The following TMEM273 variants were observed in gnomAD, a reference collection of about 807,000 sequenced individuals.
The protein encoded by TMEM273 is chromosome 10 open reading frame 128.
A neutral mutation model predicts 17.9 loss-of-function variants in TMEM273; 19 were observed. The ratio of observed to expected loss-of-function variants is 1.06; its 90% CI spans 0.74 to 1.55. The LOEUF is 1.55. Among genes scored for constraint, TMEM273 ranks in the 40% most tolerant of loss-of-function variants. The probability of loss-of-function intolerance (pLI) is 0.00; values close to 1 mark genes in which losing one functional copy is unlikely to be tolerated. For missense variants in TMEM273, 194 were observed against 155.6 expected (o/e 1.25, Z -1.31); for synonymous variants, 66 against 62.0 (o/e 1.07, Z -0.31).
At chr10:49,186,367 T>C (rs1253482357) in intron 1 of TMEM273, among the ~76,000 whole-genome samples, 1 of 152,226 alleles carries the variant, frequency 6.6e-6, no homozygotes, top group Non-Finnish European at 1.5e-5. Context: ...CCCTGTGAAA[T>C]ATTTTGGGAG....
rs148031353 is a variant in TMEM273, at chr10:49,172,528, G to T, written c.44-4566C>A. On this transcript the variant is annotated intron_variant, in intron 1 of 6. Transcript: ENST00000374153. ...GACCCCCAGCCAACCCTACTCACTG[G>T]GGAAAGGGTTTGTTCCACCTTCGAG... Among the ~76,000 whole-genome samples the T allele has an allele frequency of 6.0e-4, 92 of 152,222 alleles. 1 individual carries two copies. The highest frequency in any genetic ancestry group is 1.9e-3 in the South Asian group (9 of 4,810).
At chr10:49,167,768 G>T (rs925005939) in intron 2 of TMEM273, 141 bp downstream of exon 2, 2 of 1,020,034 alleles carry the variant, frequency 2.0e-6, no homozygotes. Context: ...CTGCTCTGGG[G>T]GACCTGGAGG....
chr10:49,167,304 C>T (rs1357570135), intron 2 of TMEM273, among the ~76,000 whole-genome samples: 2 of 152,224 alleles, frequency 1.3e-5, no homozygotes. Context: ...GCCTCCTAGC[C>T]CTTCCTCACT....
intron 6 of TMEM273, 151 bp downstream of exon 6, chr10:49,161,448 G>C: frequency 1.1e-6 from 1 of 876,020 alleles, no homozygotes; most frequent in South Asian, 1.5e-5. Context: ...TGGTCTCACA[G>C]CTGTCCTGGC....
In TMEM273 at chr10:49,165,295, CA is replaced by C; in HGVS notation, c.270-13del. 6.4e-7 allele frequency: 1 copy of C among 1,550,558 alleles called. No homozygotes were observed. The highest frequency in any genetic ancestry group is 8.7e-7 in the Non-Finnish European group (1 of 1,146,992). On this transcript the variant is annotated splice_polypyrimidine_tract_variant and intron_variant, in intron 4 of 6. Transcript: ENST00000374153. ...AGGCTTGCAGCTTTCTGGCAAAGAG[CA>C]TTCCAATTACAGAAAACAGCAAGTG...
At chr10:49,176,141 CGG>C (rs1846949696) in intron 1 of TMEM273, among the ~76,000 whole-genome samples, 1 of 152,204 alleles carries the variant, frequency 6.6e-6, no homozygotes, top group African/African-American at 2.4e-5. Flanking sequence ...GACAAGTCCC[CGG>C]AAGGAGTGTG....
At chr10:49,184,752 T>C (rs1847563369) in intron 1 of TMEM273, among the ~76,000 whole-genome samples, 2 of 152,176 alleles carry the variant, frequency 1.3e-5, no homozygotes, top group South Asian at 4.1e-4. Flanking sequence ...GCCAGGGGTG[T>C]CTGCTAGAAA....
chr10:49,161,456 G>T, intron 6 of TMEM273, 143 bp downstream of exon 6: 2 of 979,194 alleles, frequency 2.0e-6, no homozygotes, highest in South Asian at 1.4e-5. Flanking sequence ...CAGCTGTCCT[G>T]GCATGAGGGC....
chr10:49,161,745 C>T, intron 5 of TMEM273, 123 bp from the exon 6 acceptor site: 1 of 1,186,560 alleles, frequency 8.4e-7, no homozygotes, highest in Non-Finnish European at 1.2e-6. Flanking sequence ...CTGACTTCCT[C>T]ATGACTCAGC....
intron 1 of TMEM273, among the ~76,000 whole-genome samples, chr10:49,170,033 C>T (rs1310348798): frequency 1.3e-5 from 2 of 152,234 alleles, no homozygotes; most frequent in Non-Finnish European, 2.9e-5. Context: ...CTTGGTCCCC[C>T]CTCCCATCCT....
chr10:49,168,100 G>A, intron 1 of TMEM273, 138 bp from the exon 2 acceptor site: 2 of 1,008,238 alleles, frequency 2.0e-6, no homozygotes, highest in Non-Finnish European at 1.5e-6. Context: ...GCCATGGAGT[G>A]TCTTGGAGCC....
chr10:49,187,447 A>G (rs1311089842), intron 1 of TMEM273, among the ~76,000 whole-genome samples: 1 of 152,178 alleles, frequency 6.6e-6, no homozygotes. Flanking sequence ...ACTGCTTCCC[A>G]TTGAGTCTCG....
chr10:49,155,623 G>A lies in TMEM273; in HGVS notation c.*269C>T. On this transcript the variant is annotated 3_prime_UTR_variant, in exon 7 of 7. Transcript: ENST00000374153. ...ATGAACAGCTCCAACACAGGGTGAA[G>A]CTTTTGGTGTCCACCTTCTTCCACT... 1.8e-6 allele frequency: 1 copy of A among 562,276 alleles called. No individual in the cohort carries two copies. The highest frequency in any genetic ancestry group is 3.2e-6 in the Non-Finnish European group (1 of 315,352). The allele number at this position is 562,276 out of a possible 1,614,324, so 34.8% of individuals were successfully genotyped here.
In TMEM273 at chr10:49,172,951, T is replaced by C. The variant is rs180739578; in HGVS notation, c.44-4989A>G. Among the ~76,000 whole-genome samples, 4 of 152,346 alleles carry C rather than the reference T, an allele frequency of 2.6e-5. No individual in the cohort carries two copies. In the East Asian group the frequency reaches 7.7e-4, roughly 29 times the overall value. On this transcript the variant is annotated intron_variant, in intron 1 of 6. Coordinates refer to ENST00000374153, the MANE Select transcript of TMEM273 (RefSeq NM_001288740.3). Reference sequence around the variant, plus strand: ...CCTGACCAATTAGCACATTTATTCTTCCTGTCAACTGTGATTGGTCAACAG... The same window carrying C: ...CCTGACCAATTAGCACATTTATTCTCCCTGTCAACTGTGATTGGTCAACAG...
At chr10:49,158,550 G>C (rs1301962055) in intron 6 of TMEM273, among the ~76,000 whole-genome samples, 1 of 152,184 alleles carries the variant, frequency 6.6e-6, no homozygotes, top group Admixed American at 6.5e-5. Context: ...GAAGCACAAC[G>C]TGTGTGCGGG....
At chr10:49,159,966 G>T (rs1845741922) in intron 6 of TMEM273, among the ~76,000 whole-genome samples, 2 of 152,118 alleles carry the variant, frequency 1.3e-5, no homozygotes, top group African/African-American at 4.8e-5. Context: ...GGATTAAAAT[G>T]CCTTGAAGTC....
At chr10:49,183,952 A>C (rs993791723) in intron 1 of TMEM273, among the ~76,000 whole-genome samples, 9 of 152,352 alleles carry the variant, frequency 5.9e-5, no homozygotes, top group Middle Eastern at 6.8e-3. Context: ...CAAAAAAAAA[A>C]AACATTGTGG....
At chr10:49,187,981 G>A (rs547808269) in intron 1 of TMEM273, among the ~76,000 whole-genome samples, 1 of 152,256 alleles carries the variant, frequency 6.6e-6, no homozygotes, top group South Asian at 2.1e-4. Flanking sequence ...AGAAAGTTAG[G>A]GAGTTTCAGA....
rs117435606 is a variant in TMEM273 at position 49,181,224 on chromosome 10, A to G, written c.43+7070T>C. 9.8e-3 allele frequency among the ~76,000 whole-genome samples: 1,490 copies of G among 152,344 alleles called. 13 individuals are homozygous for G. Among genetic ancestry groups the G allele is most frequent in the Non-Finnish European group, 0.017 (1,131 of 68,024 alleles). ...AAGAAAAAAATCCAGAAGGATCTTAATAAATGGAGACACATACCAAGTTCA... is the reference window on the plus strand; with the variant it reads ...AAGAAAAAAATCCAGAAGGATCTTAGTAAATGGAGACACATACCAAGTTCA... On this transcript the variant is annotated intron_variant, in intron 1 of 6. Coordinates refer to ENST00000374153, the MANE Select transcript of TMEM273 (RefSeq NM_001288740.3).
Sources: gnomAD v4.1 joint callset for allele counts (sites outside exome capture counted in the v4.1 genomes callset) on GRCh38, gnomAD v4.1.1 for gene constraint, MANE v1.5 for transcripts, NCBI Gene and HGNC (gene_info 2026-07-23, HGNC 2026-07-21) for gene names.